MYH7B: variants seen among roughly 807,000 people sequenced by gnomAD.
The protein encoded by MYH7B is myosin-7B.
A neutral mutation model predicts 234.5 loss-of-function variants in MYH7B; 205 were observed. The observed-to-expected ratio is 0.87, with a 90% CI of 0.78 to 0.98. MYH7B has a LOEUF of 0.98. Ranked by LOEUF, MYH7B falls within the 50% of genes least tolerant of loss-of-function variation. The pLI is 0.00. For missense variants in MYH7B, 2,652 were observed against 2,633.4 expected (o/e 1.01, Z -0.15); for synonymous variants, 1,193 against 1,105.0 (o/e 1.08, Z -1.58).
At chr20:35,001,801 C>T in intron 43 of MYH7B, 147 bp from the exon 44 acceptor site, 1 of 1,302,840 alleles carries the variant, frequency 7.7e-7, no homozygotes, top group East Asian at 2.3e-5. Context: ...TTCCTTATTC[C>T]CGCTGTGGTA....
chr20:34,957,616 A>G (rs557951981), intron 1 of MYH7B, among the ~76,000 whole-genome samples: 1 of 150,046 alleles, frequency 6.7e-6, no homozygotes, highest in East Asian at 2.0e-4. Flanking sequence ...CAGCCTCCCA[A>G]GTAGCTGGGA....
chr20:34,982,348 T>C, intron 9 of MYH7B, 111 bp from the exon 10 acceptor site: 2 of 902,986 alleles, frequency 2.2e-6, no homozygotes, highest in Non-Finnish European at 3.5e-6. Context: ...CTTGGGGGTT[T>C]CAAGCTGGGG....
chr20:34,965,007 G>A (rs2081730448), intron 2 of MYH7B, among the ~76,000 whole-genome samples: 1 of 152,144 alleles, frequency 6.6e-6, no homozygotes, highest in Admixed American at 6.5e-5. Flanking sequence ...TTTAAAAATA[G>A]GTATTATCTC....
rs568486244 is a variant in MYH7B at position 34,967,434 on chromosome 20, A to G, written c.-221-7966A>G. ...CAGGGTCACCCTCAGGACACTCAAT[A>G]TAGAGCGGTGGTACCCTCAGACCCT... On this transcript the variant is annotated intron_variant, in intron 2 of 44. Transcript: ENST00000262873. Among the ~76,000 whole-genome samples, 7 of 152,150 alleles carry G rather than the reference A, an allele frequency of 4.6e-5. No individual in the cohort carries two copies. The South Asian group carries it at 1.0e-3, about 23-fold the overall frequency.
chr20:35,002,034 A>G (rs2082399363), exon 44 of MYH7B: 3 of 1,613,918 alleles, frequency 1.9e-6, no homozygotes, highest in African/African-American at 1.3e-5. Flanking sequence ...ACATGGCGGA[A>G]ACCCAGGCCA....
Position 34,984,933 on chromosome 20 carries a change from AC to A in MYH7B, c.729del (p.Ser244ProfsTer33). ...AACGCCAAGACCCTGAGGAATGATA[AC>A]TCCTCCCGCTTTGTGAGTGGCTGAG... On this transcript the variant is annotated frameshift_variant, in exon 12 of 45. Transcript: ENST00000262873. LOFTEE classifies it high-confidence loss of function. 6.2e-7 allele frequency: 1 copy of A among 1,613,578 alleles called. No homozygotes were observed. The highest frequency in any genetic ancestry group is 8.5e-7 in the Non-Finnish European group (1 of 1,179,670).
Position 35,000,900 on chromosome 20 carries a change from C to T in MYH7B, c.5304+7C>T, listed in dbSNP as rs529023323. 5.6e-6 allele frequency: 6 copies of T among 1,064,416 alleles called. No homozygotes were observed. The highest frequency in any genetic ancestry group is 7.7e-6 in the Non-Finnish European group (6 of 783,578). 65.9% of individuals were successfully genotyped at this position (1,064,416 alleles called of 1,614,324 possible). ...CAAAAAGGCCATCACTGATGTGAGG[C>T]TGGGCAAGGGCTGTGGGGAGCCTGG... On this transcript the variant is annotated splice_region_variant and intron_variant, in intron 40 of 44. Transcript: ENST00000262873.
Position 35,000,709 on chromosome 20 carries a change from G to A in MYH7B, c.5178+20G>A, listed in dbSNP as rs1306208043. On this transcript the variant is annotated intron_variant, in intron 39 of 44. Transcript: ENST00000262873. ...TCGCAGGTGGGGACAGGAGTCCCTG[G>A]GGACAGAGCAGGTGCAGGCCTGCTG... 2 of 1,601,086 alleles carry A rather than the reference G, an allele frequency of 1.2e-6. No homozygotes were observed. The highest frequency in any genetic ancestry group is 2.7e-5 in the African/African-American group (2 of 74,804).
intron 14 of MYH7B, 121 bp downstream of exon 14, chr20:34,986,319 C>A (rs1600436267): frequency 1.3e-6 from 1 of 743,684 alleles, no homozygotes; most frequent in East Asian, 2.7e-5. Context: ...GGTCTGTGGC[C>A]TCTCTTCCTT....
chr20:34,970,816 A>C (rs1217739029), intron 2 of MYH7B, among the ~76,000 whole-genome samples: 4 of 152,216 alleles, frequency 2.6e-5, no homozygotes, highest in African/African-American at 9.6e-5. Flanking sequence ...CTTGGAAGGC[A>C]GAGAGTGGGA....
exon 8 of MYH7B, chr20:34,980,700 G>A (rs760163994): frequency 3.1e-6 from 5 of 1,614,154 alleles, no homozygotes; most frequent in Non-Finnish European, 4.2e-6. Context: ...ATATATATGC[G>A]GTGGCGGACA....
At chr20:34,969,019 G>A (rs2081768603) in intron 2 of MYH7B, among the ~76,000 whole-genome samples, 1 of 152,204 alleles carries the variant, frequency 6.6e-6, no homozygotes, top group African/African-American at 2.4e-5. Flanking sequence ...GAAGAGGACA[G>A]GAGCCTGTTC....
chr20:34,994,279 C>A (rs989299313), exon 27 of MYH7B: 1 of 1,612,662 alleles, frequency 6.2e-7, no homozygotes, highest in Admixed American at 1.7e-5. Context: ...GGCGGCCCTG[C>A]GGGCAGAGCT....
At chr20:34,982,459 C>A (rs773450665) in exon 10 of MYH7B, 1 of 1,613,492 alleles carries the variant, frequency 6.2e-7, no homozygotes, top group Middle Eastern at 1.7e-4. Flanking sequence ...GTCGTCCAAG[C>A]GGAGAGTCGG....
In MYH7B at chr20:34,995,598, T is replaced by G; in HGVS notation, c.2943+20T>G. 9 of 1,612,464 alleles carry G rather than the reference T, an allele frequency of 5.6e-6. No individual in the cohort carries two copies. Among genetic ancestry groups the G allele is most frequent in the Non-Finnish European group, 7.6e-6 (9 of 1,179,490 alleles). On this transcript the variant is annotated intron_variant, in intron 28 of 44. Coordinates refer to ENST00000262873, the Ensembl canonical transcript of MYH7B. ...AACAAGGTGTGGGCCGGGCCAGCTGTGGGGAAGGGCCCTGAGCCAGGGGCC... is the reference window on the plus strand; with the variant it reads ...AACAAGGTGTGGGCCGGGCCAGCTGGGGGGAAGGGCCCTGAGCCAGGGGCC...
chr20:34,967,245 A>G (rs1475963015), intron 2 of MYH7B, among the ~76,000 whole-genome samples: 1 of 152,074 alleles, frequency 6.6e-6, no homozygotes, highest in East Asian at 1.9e-4. Flanking sequence ...AAAATAGGAA[A>G]TTTAAGGCCC....
chr20:34,998,972 C>A, intron 35 of MYH7B, 57 bp downstream of exon 35: 1 of 1,585,302 alleles, frequency 6.3e-7, no homozygotes. Context: ...TGTGCCTGAG[C>A]CCCGCTGAGG....
exon 45 of MYH7B, chr20:35,002,197 C>G: frequency 6.6e-7 from 1 of 1,526,274 alleles, no homozygotes; most frequent in Non-Finnish European, 8.8e-7. Context: ...GACGGCCTGA[C>G]CCCCTGGGCT....
exon 32 of MYH7B, chr20:34,997,333 CGCGGGAGCTGGAGGAGCT>C (rs1569059375): frequency 6.5e-7 from 1 of 1,545,672 alleles, no homozygotes; most frequent in Non-Finnish European, 8.7e-7. Flanking sequence ...GCAGAGGCGG[CGCGGGAGCTGGAGGAGCT>C]GAGCGAGCGG....
Sources: allele counts gnomAD v4.1 joint callset (sites outside exome capture counted in the v4.1 genomes callset), GRCh38; gene constraint gnomAD v4.1.1; transcripts MANE v1.5; gene names NCBI Gene and HGNC (gene_info 2026-07-23, HGNC 2026-07-21).